FOXN3: variants seen among roughly 807,000 people sequenced by gnomAD.
FOXN3 encodes forkhead box protein N3.
Under a neutral mutation model 38.4 loss-of-function variants are expected in FOXN3, and 7 were observed. That is an observed-to-expected ratio of 0.18 (90% CI 0.10 to 0.34). The LOEUF (loss-of-function observed/expected upper bound fraction) is 0.34. Among genes scored for constraint, FOXN3 ranks in the 10% least tolerant of loss-of-function variants. FOXN3 has a pLI of 1.00. For synonymous variants in FOXN3, 230 were observed against 242.2 expected, an observed-to-expected ratio of 0.95 and a Z score of 0.47; for missense variants, 456 against 613.4, an observed-to-expected ratio of 0.74 and a Z score of 2.71.
Position 89,423,729 on chromosome 14 carries a change from C to T in FOXN3, c.-14-11239G>A, listed in dbSNP as rs575145697. On this transcript the variant is annotated intron_variant, in intron 1 of 6. Coordinates refer to the FOXN3 transcript ENST00000345097. The stretch of plus-strand genomic sequence containing the variant: ...TATCTCATTTCATCTATCAGAATGG[C>T]AGAGACTTAAAAGAACTAACCATGC... Among the ~76,000 whole-genome samples, 6 of 152,272 alleles carry T rather than the reference C, an allele frequency of 3.9e-5. No homozygotes were observed. In the South Asian group the frequency reaches 1.2e-3, roughly 32 times the overall value.
At chr14:89,248,725 T>C (rs777717116) in intron 4 of FOXN3, among the ~76,000 whole-genome samples, 2 of 152,234 alleles carry the variant, frequency 1.3e-5, no homozygotes, top group African/African-American at 2.4e-5. Context: ...TCCTCCGCTA[T>C]AGACATGATT....
At chr14:89,582,270 C>T (rs964410623) in intron 1 of FOXN3, among the ~76,000 whole-genome samples, 6 of 152,104 alleles carry the variant, frequency 3.9e-5, no homozygotes, top group African/African-American at 1.4e-4. Flanking sequence ...CATCAGACGC[C>T]CCAAACTCAT....
chr14:89,351,612 G>GC (rs921895655), intron 2 of FOXN3, among the ~76,000 whole-genome samples: 1 of 152,188 alleles, frequency 6.6e-6, no homozygotes, highest in African/African-American at 2.4e-5. Context: ...TTCCTTTGAG[G>GC]CCCCCCGGAA....
chr14:89,192,171 T>C (rs1449258373), intron 4 of FOXN3, among the ~76,000 whole-genome samples: 1 of 146,752 alleles, frequency 6.8e-6, no homozygotes, highest in Non-Finnish European at 1.5e-5. Context: ...TTAATATATA[T>C]TATATATTAA....
intron 1 of FOXN3, among the ~76,000 whole-genome samples, chr14:89,507,194 G>A (rs1044837562): frequency 6.6e-6 from 1 of 151,304 alleles, no homozygotes; most frequent in African/African-American, 2.4e-5. Context: ...ATGGACAGCA[G>A]CTGATTAAGC....
intron 4 of FOXN3, among the ~76,000 whole-genome samples, chr14:89,247,003 C>T (rs988331639): frequency 6.6e-6 from 1 of 152,124 alleles, no homozygotes; most frequent in Non-Finnish European, 1.5e-5. Flanking sequence ...TCCCTTCTCT[C>T]CCTCTTTCCT....
intron 4 of FOXN3, among the ~76,000 whole-genome samples, chr14:89,211,079 C>A (rs940278935): frequency 6.6e-6 from 1 of 152,128 alleles, no homozygotes; most frequent in African/African-American, 2.4e-5. Flanking sequence ...GATGTTAATT[C>A]ATCCAATTCT....
At chr14:89,528,379 T>TTTTTTTTG (rs1894476274) in intron 1 of FOXN3, among the ~76,000 whole-genome samples, 1 of 53,850 alleles carries the variant, frequency 1.9e-5, no homozygotes, top group Non-Finnish European at 3.8e-5. Flanking sequence ...GATGAATCTT[T>TTTTTTTTG]TTTTTTTTTT....
chr14:89,203,783 A>G (rs1272189288), intron 4 of FOXN3, among the ~76,000 whole-genome samples: 1 of 151,972 alleles, frequency 6.6e-6, no homozygotes, highest in Non-Finnish European at 1.5e-5. Flanking sequence ...ATAATCTTCT[A>G]TGGTTTTCCT....
At chr14:89,434,715 G>A (rs893404702) in intron 1 of FOXN3, among the ~76,000 whole-genome samples, 5 of 152,080 alleles carry the variant, frequency 3.3e-5, no homozygotes, top group Non-Finnish European at 7.4e-5. Flanking sequence ...CCTATTGCCT[G>A]CTCCCAAACC....
At chr14:89,323,952 A>T (rs1213241936) in intron 3 of FOXN3, among the ~76,000 whole-genome samples, 1 of 152,154 alleles carries the variant, frequency 6.6e-6, no homozygotes, top group African/African-American at 2.4e-5. Flanking sequence ...CATTAGAGGC[A>T]GGGACCTCTA....
At chr14:89,274,585 G>C (rs1412950339) in intron 4 of FOXN3, among the ~76,000 whole-genome samples, 2 of 152,150 alleles carry the variant, frequency 1.3e-5, no homozygotes, top group Non-Finnish European at 2.9e-5. Flanking sequence ...TCAAACCTGA[G>C]GCACAAGGTC....
At chr14:89,216,413 T>C (rs975072885) in intron 4 of FOXN3, among the ~76,000 whole-genome samples, 4 of 152,174 alleles carry the variant, frequency 2.6e-5, no homozygotes, top group African/African-American at 9.7e-5. Flanking sequence ...ATAGAATAGA[T>C]GCATTCAGAA....
At chr14:89,209,295 G>A (rs764242271) in intron 4 of FOXN3, among the ~76,000 whole-genome samples, 1 of 152,208 alleles carries the variant, frequency 6.6e-6, no homozygotes, top group Non-Finnish European at 1.5e-5. Flanking sequence ...AGGAGCTTCT[G>A]CTCCTTTACC....
At chr14:89,617,049 T>C (rs1031750410) in intron 1 of FOXN3, among the ~76,000 whole-genome samples, 1 of 152,152 alleles carries the variant, frequency 6.6e-6, no homozygotes, top group East Asian at 1.9e-4. Flanking sequence ...TTTTAAGTGG[T>C]GGTCATGGTA....
chr14:89,521,711 T>A (rs1179032682), intron 1 of FOXN3, among the ~76,000 whole-genome samples: 1 of 151,840 alleles, frequency 6.6e-6, no homozygotes, highest in Admixed American at 6.6e-5. Context: ...CCTTATAATA[T>A]CATTGTCAAA....
Position 89,163,026 on chromosome 14 carries a change from G to T in FOXN3, c.852-57C>A, listed in dbSNP as rs775082179. On this transcript the variant is annotated intron_variant, in intron 5 of 5. Coordinates refer to ENST00000557258, the MANE Select transcript of FOXN3 (RefSeq NM_005197.4). This position sits in a 1 kb window ranked among gnomAD's most constrained non-coding sequence, Gnocchi z 4.3. ...AGACAAAGAAGGGACACAGTTAGAC[G>T]TCCTCAGATGGGGGCACCCGGCAGC... is the stretch of plus-strand genomic sequence containing the variant. 2.8e-6 allele frequency: 4 copies of T among 1,443,336 alleles called. No individual in the cohort carries two copies. Among genetic ancestry groups the T allele is most frequent in the Non-Finnish European group, 2.7e-6 (3 of 1,094,436 alleles). The allele number at this position is 1,443,336 out of a possible 1,614,324, so 89.4% of individuals were successfully genotyped here.
chr14:89,570,989 C>G (rs1238661683), intron 1 of FOXN3, among the ~76,000 whole-genome samples: 2 of 152,118 alleles, frequency 1.3e-5, no homozygotes, highest in Non-Finnish European at 2.9e-5. Context: ...TCCAGAATGA[C>G]CTAGACATTT....
intron 1 of FOXN3, chr14:89,576,697 T>TGGC (rs1895630467): frequency 6.6e-6 from 1 of 152,186 alleles, no homozygotes; most frequent in East Asian, 1.9e-4. Flanking sequence ...AGAATTCGGA[T>TGGC]CAGATGTCTT....
Sources: gnomAD v4.1 joint callset for allele counts (sites outside exome capture counted in the v4.1 genomes callset) on GRCh38, gnomAD v4.1.1 for gene constraint, Gnocchi (gnomAD v3.1) non-coding constraint, MANE v1.5 for transcripts, NCBI Gene and HGNC (gene_info 2026-07-23, HGNC 2026-07-21) for gene names.